ADGB: variants seen among roughly 807,000 people sequenced by gnomAD.
ADGB encodes calpain-7-like protein.
Under a neutral mutation model 210.5 loss-of-function variants are expected in ADGB, and 172 were observed. The observed-to-expected ratio is 0.82, with a 90% CI of 0.72 to 0.93. ADGB has a LOEUF of 0.93. Ranked by LOEUF, ADGB falls within the 40% of genes least tolerant of loss-of-function variation. ADGB has a pLI of 0.00. For synonymous variants in ADGB, 658 were observed against 662.7 expected (o/e 0.99, Z 0.11); for missense variants, 2,025 against 1,964.8 (o/e 1.03, Z -0.58).
chr6:146,721,462 A>G lies in ADGB; in HGVS notation c.2052A>G (p.Leu684=). The G allele has an allele frequency of 6.4e-7, 1 of 1,551,316 alleles. No homozygotes were observed. Among genetic ancestry groups the G allele is most frequent in the Non-Finnish European group, 8.7e-7 (1 of 1,146,688 alleles). The change falls in exon 17 of 36, where the codon CTA becomes CTG. Residue 684 remains leucine, a synonymous_variant. Transcript: ENST00000397944. The part of the protein sequence containing the change: ...LFVDSLKPIE[L]LVCFSALVRW... ...TAGATAGTCTAAAACCTATTGAACT[A>G]CTGGTTTGCTTTTCTGCATTGGTAC...
chr6:146,758,232 C>T (rs1177143095), intron 27 of ADGB, among the ~76,000 whole-genome samples: 2 of 152,024 alleles, frequency 1.3e-5, no homozygotes, highest in East Asian at 3.9e-4. Flanking sequence ...AGTCAGAATG[C>T]TGTTTTTAAC....
At position 146,691,152 on chromosome 6, in the gene ADGB, TC is replaced by T; in HGVS notation, c.1351del (p.His451ThrfsTer9). Reference sequence around the variant, plus strand: ...TGAGAAACTTAGAGAATATGGGCTTTCCCACATCTGTAGCCATCCTGTGCTG... The same window carrying T: ...TGAGAAACTTAGAGAATATGGGCTTTCCACATCTGTAGCCATCCTGTGCTG... ...SAEKLREYGL[S>X]HICSHPVLVT... On this transcript the variant is annotated frameshift_variant, in exon 11 of 36. Coordinates refer to ENST00000397944, the MANE Select transcript of ADGB (RefSeq NM_024694.4). LOFTEE classifies it high-confidence loss of function. 2.6e-6 allele frequency: 4 copies of T among 1,546,752 alleles called. No individual in the cohort carries two copies. The highest frequency in any genetic ancestry group is 3.5e-6 in the Non-Finnish European group (4 of 1,145,138).
chr6:146,616,268 GT>G (rs35741728), intron 1 of ADGB, among the ~76,000 whole-genome samples: 92,227 of 142,164 alleles, frequency 0.65, 29,485 homozygotes, highest in Non-Finnish European at 0.68. Context: ...TATTATTTGG[GT>G]TTTTTTTTTT....
chr6:146,676,212 A>C (rs2114907008), intron 8 of ADGB, 101 bp from the exon 9 acceptor site: 1 of 1,028,122 alleles, frequency 9.7e-7, no homozygotes, highest in East Asian at 2.8e-5. Flanking sequence ...ATTAAATAAT[A>C]CTATTATTTT....
intron 1 of ADGB, among the ~76,000 whole-genome samples, chr6:146,614,307 C>T (rs560518314): frequency 6.6e-6 from 1 of 151,064 alleles, no homozygotes; most frequent in Non-Finnish European, 1.5e-5. Flanking sequence ...AAAGGATGCA[C>T]TTTGATAAGT....
chr6:146,768,521 C>G (rs1777607564), intron 28 of ADGB, among the ~76,000 whole-genome samples: 1 of 152,068 alleles, frequency 6.6e-6, no homozygotes, highest in African/African-American at 2.4e-5. Context: ...AGGAAAATTA[C>G]ATCTCCATGG....
At chr6:146,653,550 G>A (rs1404913844) in intron 3 of ADGB, among the ~76,000 whole-genome samples, 1 of 152,016 alleles carries the variant, frequency 6.6e-6, no homozygotes, top group Non-Finnish European at 1.5e-5. Context: ...AGAATACATC[G>A]ACACATAGAA....
intron 1 of ADGB, among the ~76,000 whole-genome samples, chr6:146,619,447 CT>C (rs752000916): frequency 1.8e-3 from 274 of 152,038 alleles, no homozygotes; most frequent in Non-Finnish European, 2.8e-3. Flanking sequence ...TCCTTTCTTC[CT>C]TTTCCCACCC....
intron 28 of ADGB, among the ~76,000 whole-genome samples, 153 bp downstream of exon 28, chr6:146,764,253 G>T (rs528535457): frequency 6.6e-6 from 1 of 152,118 alleles, no homozygotes; most frequent in Non-Finnish European, 1.5e-5. Flanking sequence ...CAGTTTCTCT[G>T]TGCCAAGATC....
chr6:146,621,903 T>C (rs1780900702), intron 1 of ADGB, among the ~76,000 whole-genome samples: 1 of 152,152 alleles, frequency 6.6e-6, no homozygotes. Context: ...TTTCTTGAAT[T>C]ATCTAGGAGT....
At chr6:146,697,722 A>G (rs1340559470) in intron 12 of ADGB, among the ~76,000 whole-genome samples, 1 of 152,214 alleles carries the variant, frequency 6.6e-6, no homozygotes, top group East Asian at 1.9e-4. Context: ...GAGATTTGGA[A>G]ATAATTAAAA....
chr6:146,744,535 G>A (rs575340936), intron 25 of ADGB, among the ~76,000 whole-genome samples: 4 of 152,304 alleles, frequency 2.6e-5, no homozygotes, highest in African/African-American at 9.6e-5. Flanking sequence ...CATGAGACAT[G>A]CTTTTTATGA....
chr6:146,801,118 A>G, intron 33 of ADGB, 65 bp from the exon 34 acceptor site: 1 of 808,816 alleles, frequency 1.2e-6, no homozygotes, highest in Non-Finnish European at 1.8e-6. Context: ...AGATATAGTC[A>G]TTTGGTTAGT....
chr6:146,798,025 A>T (rs986698262), intron 33 of ADGB, among the ~76,000 whole-genome samples: 1 of 152,098 alleles, frequency 6.6e-6, no homozygotes, highest in Non-Finnish European at 1.5e-5. Flanking sequence ...AGAAGGAATA[A>T]AAAAATTTTA....
In ADGB at chr6:146,735,508, A is replaced by T. The variant is rs117418569; in HGVS notation, c.2795-990A>T. On this transcript the variant is annotated intron_variant, in intron 22 of 35. Transcript: ENST00000397944. Reference sequence around the variant, plus strand: ...TTTCGATAATCACATTAATTCATTCATAAGGGCATAGCCCTCATGAGCTAA... The same window carrying T: ...TTTCGATAATCACATTAATTCATTCTTAAGGGCATAGCCCTCATGAGCTAA... 1.8e-3 allele frequency among the ~76,000 whole-genome samples: 277 copies of T among 152,346 alleles called. 4 individuals are homozygous for T. The highest frequency in any genetic ancestry group is 5.0e-3 in the South Asian group (24 of 4,828).
intron 2 of ADGB, among the ~76,000 whole-genome samples, chr6:146,636,020 GTTTAC>G (rs1775413573): frequency 1.3e-5 from 2 of 152,078 alleles, no homozygotes; most frequent in South Asian, 4.1e-4. Context: ...ACTGCTCTTC[GTTTAC>G]TTTTTGTCAC....
chr6:146,788,759 G>A (rs924858017), intron 33 of ADGB, 149 bp downstream of exon 33: 40 of 847,224 alleles, frequency 4.7e-5, no homozygotes, highest in Middle Eastern at 3.6e-4. Context: ...ACTTAATGGA[G>A]TTGGGAATTT....
chr6:146,713,702 C>T (rs941345776), intron 13 of ADGB, among the ~76,000 whole-genome samples: 5 of 152,112 alleles, frequency 3.3e-5, no homozygotes, highest in African/African-American at 9.7e-5. Flanking sequence ...GTTGCATTCT[C>T]ACTCTGTTGA....
intron 1 of ADGB, among the ~76,000 whole-genome samples, chr6:146,634,332 T>C (rs1406578217): frequency 1.3e-5 from 2 of 152,158 alleles, no homozygotes; most frequent in Non-Finnish European, 2.9e-5. Flanking sequence ...TCCTTGTTGA[T>C]AAGCAGTGTG....
Sources: gnomAD v4.1 joint callset for allele counts (sites outside exome capture counted in the v4.1 genomes callset) on GRCh38, gnomAD v4.1.1 for gene constraint, MANE v1.5 for transcripts, NCBI Gene and HGNC (gene_info 2026-07-23, HGNC 2026-07-21) for gene names.